Variants in PCDH9 observed in about 807,000 individuals in gnomAD.
PCDH9 encodes the protein protocadherin 9, also known as protocadherin-9.
PCDH9 carries 24 observed loss-of-function variants against 70.6 expected under a neutral mutation model. The observed-to-expected ratio is 0.34, with a 90% CI of 0.25 to 0.48. PCDH9 has a LOEUF of 0.48. Ranked by LOEUF, PCDH9 falls within the 20% of genes least tolerant of loss-of-function variation. PCDH9 has a pLI of 0.99. For missense variants in PCDH9, 1,281 were observed against 1,503.6 expected (o/e 0.85, Z 2.45); for synonymous variants, 562 against 558.5 (o/e 1.01, Z -0.09).
At chr13:66,976,137 C>A (rs546141208) in intron 2 of PCDH9, among the ~76,000 whole-genome samples, 7 of 152,186 alleles carry the variant, frequency 4.6e-5, no homozygotes, top group Admixed American at 3.9e-4. Context: ...CACAAAGTGT[C>A]TGCTGCCTAC....
chr13:67,011,800 G>A (rs541893640), intron 2 of PCDH9, among the ~76,000 whole-genome samples: 3 of 151,948 alleles, frequency 2.0e-5, no homozygotes, highest in Admixed American at 2.0e-4. Context: ...GGTCTTGAAG[G>A]GGATGTTCAC....
At chr13:67,090,908 A>C (rs1476598666) in intron 2 of PCDH9, among the ~76,000 whole-genome samples, 1 of 152,100 alleles carries the variant, frequency 6.6e-6, no homozygotes, top group Non-Finnish European at 1.5e-5. Context: ...ATGAGGAACT[A>C]GTAGAACCAG....
At chr13:67,067,241 C>T (rs891913604) in intron 2 of PCDH9, among the ~76,000 whole-genome samples, 1 of 152,158 alleles carries the variant, frequency 6.6e-6, no homozygotes, top group African/African-American at 2.4e-5. Flanking sequence ...ACACTAGAAT[C>T]ACTCAGTAAG....
rs141044300 is a variant in PCDH9 at position 66,766,489 on chromosome 13, A to C, written c.3139-135078T>G. Among the ~76,000 whole-genome samples, 804 of 152,206 alleles carry C rather than the reference A, an allele frequency of 5.3e-3. 15 individuals are homozygous for C. The highest frequency in any genetic ancestry group is 0.018 in the African/African-American group (764 of 41,494). ...AAACACTATCCTCACAAGTATTTTTAATTTCAAGTTTATAGACATTAATAC... is the reference window on the plus strand; with the variant it reads ...AAACACTATCCTCACAAGTATTTTTCATTTCAAGTTTATAGACATTAATAC... On this transcript the variant is annotated intron_variant, in intron 3 of 4. Coordinates refer to ENST00000377865, the MANE Select transcript of PCDH9 (RefSeq NM_203487.3).
intron 4 of PCDH9, among the ~76,000 whole-genome samples, chr13:66,346,888 A>T (rs1956220006): frequency 1.3e-5 from 2 of 152,300 alleles, no homozygotes; most frequent in South Asian, 4.1e-4. Context: ...ATTAATTTTA[A>T]ATAAAGCCAC....
intron 2 of PCDH9, among the ~76,000 whole-genome samples, chr13:67,117,584 C>G (rs2086802519): frequency 6.6e-6 from 1 of 151,974 alleles, no homozygotes; most frequent in South Asian, 2.1e-4. Flanking sequence ...AAATTTGTAG[C>G]CTGAATAAGT....
At chr13:66,385,797 C>T (rs953671278) in intron 4 of PCDH9, among the ~76,000 whole-genome samples, 3 of 152,046 alleles carry the variant, frequency 2.0e-5, no homozygotes, top group Admixed American at 6.6e-5. Flanking sequence ...ATTCTAACAG[C>T]GATTTCAAAT....
chr13:66,774,413 G>A (rs893665268), intron 3 of PCDH9, among the ~76,000 whole-genome samples: 4 of 143,392 alleles, frequency 2.8e-5, no homozygotes, highest in African/African-American at 7.3e-5. Context: ...AAAGAGGGGG[G>A]AAATGATGGA....
At chr13:67,229,742 C>T (rs1384640428) in intron 1 of PCDH9, 38 bp downstream of exon 1, 1 of 152,246 alleles carries the variant, frequency 6.6e-6, no homozygotes, top group African/African-American at 2.4e-5. Flanking sequence ...CATCTAAACA[C>T]AGAATTTACA....
intron 2 of PCDH9, among the ~76,000 whole-genome samples, chr13:67,013,732 A>G (rs1224506879): frequency 6.6e-6 from 1 of 151,882 alleles, no homozygotes; most frequent in Admixed American, 6.6e-5. Context: ...ACAAAAAAAA[A>G]TCAAAGATTA....
chr13:67,122,328 C>A (rs1358449199), intron 2 of PCDH9, among the ~76,000 whole-genome samples: 1 of 151,686 alleles, frequency 6.6e-6, no homozygotes, highest in Non-Finnish European at 1.5e-5. Context: ...TTTTAAATAC[C>A]AAATAATAAG....
At chr13:66,859,129 T>G (rs2081440392) in intron 3 of PCDH9, 1 of 152,220 alleles carries the variant, frequency 6.6e-6, no homozygotes, top group African/African-American at 2.4e-5. Flanking sequence ...TGGTAAGTCC[T>G]GATTTTTATA....
At chr13:67,040,590 C>T (rs2085092782) in intron 2 of PCDH9, among the ~76,000 whole-genome samples, 2 of 152,130 alleles carry the variant, frequency 1.3e-5, no homozygotes, top group Admixed American at 1.3e-4. Flanking sequence ...GACTTGTGGC[C>T]TCCAGCACTC....
intron 4 of PCDH9, among the ~76,000 whole-genome samples, chr13:66,417,121 CACCCAGCA>C (rs933968989): frequency 3.7e-4 from 57 of 152,220 alleles, no homozygotes; most frequent in African/African-American, 1.3e-3. Flanking sequence ...TAGTTTGCTG[CACCCAGCA>C]ACCCATCATC....
At chr13:66,475,876 T>G (rs1311127673) in intron 4 of PCDH9, among the ~76,000 whole-genome samples, 1 of 152,112 alleles carries the variant, frequency 6.6e-6, no homozygotes, top group African/African-American at 2.4e-5. Context: ...TCTACCTATC[T>G]TTAAATTCTG....
At chr13:66,620,492 C>T (rs1054261045) in intron 4 of PCDH9, among the ~76,000 whole-genome samples, 1 of 152,156 alleles carries the variant, frequency 6.6e-6, no homozygotes, top group Non-Finnish European at 1.5e-5. Flanking sequence ...CACACACATA[C>T]ACACACAGAC....
At chr13:66,510,774 G>A (rs1267104849) in intron 4 of PCDH9, among the ~76,000 whole-genome samples, 1 of 152,152 alleles carries the variant, frequency 6.6e-6, no homozygotes, top group Non-Finnish European at 1.5e-5. Flanking sequence ...GGGCATTTGG[G>A]TTGGTTCCAA....
chr13:66,841,175 G>A (rs977488870), intron 3 of PCDH9, among the ~76,000 whole-genome samples: 4 of 152,094 alleles, frequency 2.6e-5, no homozygotes, highest in Non-Finnish European at 5.9e-5. Flanking sequence ...AGCTTTAAAA[G>A]GTAGCAAAAT....
At chr13:67,037,174 G>A (rs1283299473) in intron 2 of PCDH9, among the ~76,000 whole-genome samples, 2 of 152,140 alleles carry the variant, frequency 1.3e-5, no homozygotes, top group African/African-American at 2.4e-5. Flanking sequence ...GGCTGAGGGT[G>A]TATAAATCTA....
Sources: allele counts gnomAD v4.1 joint callset (sites outside exome capture counted in the v4.1 genomes callset), GRCh38; gene constraint gnomAD v4.1.1; transcripts MANE v1.5; gene names NCBI Gene and HGNC (gene_info 2026-07-23, HGNC 2026-07-21).